Variants in IGSF3 observed in about 807,000 individuals in gnomAD.
IGSF3 encodes the protein immunoglobulin superfamily member 3, also known as glu-Trp-Ile EWI motif-containing protein 3.
In IGSF3, 23 loss-of-function variants were observed where a neutral mutation model predicts 114.4. That is an observed-to-expected ratio of 0.20 (90% CI 0.14 to 0.28). IGSF3 has a LOEUF of 0.28. IGSF3 is among the 10% of genes least tolerant of loss of function. The pLI is 1.00. For missense variants in IGSF3, 1,172 were observed against 1,591.5 expected, an observed-to-expected ratio of 0.74 and a Z score of 4.48; for synonymous variants, 571 against 645.2, an observed-to-expected ratio of 0.88 and a Z score of 1.74.
chr1:116,625,130 C>A lies in IGSF3; in HGVS notation c.44-8673G>T, dbSNP rs1025305339. ...CAAGAACATATGCTATGGCTTCAATCAACATTTTTTTCAGTACCTATTATG... is the reference window on the plus strand; with the variant it reads ...CAAGAACATATGCTATGGCTTCAATAAACATTTTTTTCAGTACCTATTATG... On this transcript the variant is annotated intron_variant, in intron 2 of 10. Coordinates refer to ENST00000369486, the MANE Select transcript of IGSF3 (RefSeq NM_001007237.3). The surrounding 1 kb of genome is among the most constrained non-coding windows in gnomAD (Gnocchi z 4.7). Among the ~76,000 whole-genome samples, 3 of 152,196 alleles carry A rather than the reference C, an allele frequency of 2.0e-5. No homozygotes were observed. Among genetic ancestry groups the A allele is most frequent in the African/African-American group, 4.8e-5 (2 of 41,444 alleles).
Position 116,585,017 on chromosome 1 carries a change from G to A in IGSF3, c.2476C>T (p.Leu826=), listed in dbSNP as rs1220610888. The stretch of plus-strand genomic sequence containing the variant: ...ACCTGCCGGGTCTCCAGAACCGACA[G>A]GTTCCCCTGGGCTTGGCTGAGCCTC... ...RLRLSQAQGN[L]SVLETRQVQL... Residue 826 remains leucine (L), a synonymous_variant, in exon 9 of 11, where the codon CTG becomes TTG. Coordinates refer to ENST00000369486, the MANE Select transcript of IGSF3 (RefSeq NM_001007237.3). The surrounding 1 kb of genome is among the most constrained non-coding windows in gnomAD (Gnocchi z 4.9). 2 of 1,560,366 alleles carry A rather than the reference G, an allele frequency of 1.3e-6. No homozygotes were observed. Among genetic ancestry groups the A allele is most frequent in the African/African-American group, 2.7e-5 (2 of 73,788 alleles).
In IGSF3 at chr1:116,612,261, T is replaced by C. The variant is rs4127975; in HGVS notation, c.832+1504A>G. Among the ~76,000 whole-genome samples the C allele has an allele frequency of 1.2e-4, 18 of 152,258 alleles. No homozygotes were observed. The highest frequency in any genetic ancestry group is 3.3e-4 in the Admixed American group (5 of 15,302). ...AGCCCCTTGGATAGATTTTTTAATA[T>C]TGAAAGATCCAGAAGCTGCTAAATG... On this transcript the variant is annotated intron_variant, in intron 4 of 10. Transcript: ENST00000369486. The surrounding 1 kb of genome is among the most constrained non-coding windows in gnomAD (Gnocchi z 4.1).
intron 2 of IGSF3, among the ~76,000 whole-genome samples, chr1:116,660,363 C>G (rs1649059155): frequency 6.6e-6 from 1 of 152,048 alleles, no homozygotes; most frequent in African/African-American, 2.4e-5. Context: ...GATGCGGTCT[C>G]ACTATGTTGC....
In IGSF3 at chr1:116,638,545, C is replaced by CA. The variant is rs1307503200; in HGVS notation, c.44-22089_44-22088insT. On this transcript the variant is annotated intron_variant, in intron 2 of 10. Coordinates refer to ENST00000369486, the MANE Select transcript of IGSF3 (RefSeq NM_001007237.3). This position sits in a 1 kb window ranked among gnomAD's most constrained non-coding sequence, Gnocchi z 4.1. ...CACCTACTCAGTCTGACACCCACCA[C>CA]TCCCTCCAAACATCCCCGGTACGTC... Among the ~76,000 whole-genome samples the CA allele has an allele frequency of 6.6e-5, 10 of 152,348 alleles. No homozygotes were observed. Among genetic ancestry groups the CA allele is most frequent in the Middle Eastern group, 6.8e-3 (2 of 294 alleles).
chr1:116,656,067 A>G (rs1296065967), intron 2 of IGSF3, among the ~76,000 whole-genome samples: 6 of 152,200 alleles, frequency 3.9e-5, no homozygotes, highest in African/African-American at 1.4e-4. Flanking sequence ...TGATATAGCC[A>G]TAAAATTAAG....
chr1:116,645,490 G>A (rs181753103), intron 2 of IGSF3, among the ~76,000 whole-genome samples: 113 of 152,336 alleles, frequency 7.4e-4, no homozygotes, highest in Admixed American at 1.0e-3. Flanking sequence ...GGTGAGTTCC[G>A]TTGTATGTAA....
rs1647367240 is a variant in IGSF3 at position 116,627,816 on chromosome 1, G to A, written c.44-11359C>T. 6.6e-6 allele frequency among the ~76,000 whole-genome samples: 1 copy of A among 152,156 alleles called. No homozygotes were observed. Among genetic ancestry groups the A allele is most frequent in the African/African-American group, 2.4e-5 (1 of 41,420 alleles). On this transcript the variant is annotated intron_variant, in intron 2 of 10. Transcript: ENST00000369486. The surrounding 1 kb of genome is among the most constrained non-coding windows in gnomAD (Gnocchi z 4.7). The stretch of plus-strand genomic sequence containing the variant: ...CTTCTGTCTCCCAACACTAGGCCAT[G>A]GAGACACAAAACTAGAAAATGGGGC...
In IGSF3 at chr1:116,664,846, A is replaced by G. The variant is rs1309521833; in HGVS notation, c.43+1438T>C. On this transcript the variant is annotated intron_variant, in intron 2 of 10. Transcript: ENST00000369486. The surrounding 1 kb of genome is among the most constrained non-coding windows in gnomAD (Gnocchi z 4.6). ...TAGTGAACTCACCCACTGGTTCTCTACTGAACCATGCATGGAATTACCTGA... is the reference window on the plus strand; with the variant it reads ...TAGTGAACTCACCCACTGGTTCTCTGCTGAACCATGCATGGAATTACCTGA... Among the ~76,000 whole-genome samples the G allele has an allele frequency of 6.6e-6, 1 of 152,174 alleles. No individual in the cohort carries two copies. Among genetic ancestry groups the G allele is most frequent in the Non-Finnish European group, 1.5e-5 (1 of 68,026 alleles).
rs192003191 is a variant in IGSF3, at chr1:116,630,895, G to A, written c.44-14438C>T. 1.3e-3 allele frequency among the ~76,000 whole-genome samples: 197 copies of A among 152,342 alleles called. 1 individual carries two copies. The highest frequency in any genetic ancestry group is 9.7e-4 in the East Asian group (5 of 5,172). ...CTCGAATCTATGCAGAGCTGCATGA[G>A]GAGCTGGAGGTCCAGAGTACTGCAG... On this transcript the variant is annotated intron_variant, in intron 2 of 10. Transcript: ENST00000369486.
intron 6 of IGSF3, among the ~76,000 whole-genome samples, chr1:116,602,657 T>C (rs114552632): frequency 0.035 from 5,275 of 152,228 alleles, 296 homozygotes; most frequent in African/African-American, 0.12. Flanking sequence ...TTACTGGAAG[T>C]ATCCAAAAGC....
At position 116,579,841 on chromosome 1, in the gene IGSF3, G is replaced by T; in HGVS notation, c.2885C>A (p.Ala962Asp). ...GAAAGCTGCCTTCTCAGAGACCGTG[G>T]CATTGGGGACCACTGTGTCCACCTG... ...SLQVDTVVPNATVSEKAAFQL... is the reference protein window; with the variant it reads ...SLQVDTVVPNDTVSEKAAFQL... The change falls in exon 10 of 11, where the codon GCC (alanine) becomes GAC (aspartate). Residue 962 changes from alanine (A) to aspartate (D), a missense_variant. Physicochemically the swap from Ala to Asp is moderately radical, Grantham distance 126. This residue lies in a region of IGSF3 where 423 missense variants were observed against 509.8 expected (regional missense o/e 0.83). Coordinates refer to ENST00000369486, the MANE Select transcript of IGSF3 (RefSeq NM_001007237.3). This position sits in a 1 kb window ranked among gnomAD's most constrained non-coding sequence, Gnocchi z 6.4. 6.2e-7 allele frequency: 1 copy of T among 1,611,616 alleles called. No homozygotes were observed. Among genetic ancestry groups the T allele is most frequent in the African/African-American group, 1.3e-5 (1 of 75,038 alleles).
chr1:116,581,921 T>C (rs1659618392), intron 9 of IGSF3, among the ~76,000 whole-genome samples: 3 of 152,174 alleles, frequency 2.0e-5, no homozygotes, highest in Admixed American at 1.3e-4. Context: ...CCCACGCTCC[T>C]GGTGACTGGC....
At position 116,589,494 on chromosome 1, in the gene IGSF3, T is replaced by G. The variant is rs1223866025; in HGVS notation, c.2030-390A>C. ...CACAGCACAAAGTCCCTTCAGGATC[T>G]GGCCTTCACCCAAGTGTCCTGACTC... On this transcript the variant is annotated intron_variant, in intron 7 of 10. Coordinates refer to ENST00000369486, the MANE Select transcript of IGSF3 (RefSeq NM_001007237.3). This position sits in a 1 kb window ranked among gnomAD's most constrained non-coding sequence, Gnocchi z 5.7. Among the ~76,000 whole-genome samples, 1 of 152,130 alleles carries G rather than the reference T, an allele frequency of 6.6e-6. No homozygotes were observed. Among genetic ancestry groups the G allele is most frequent in the Non-Finnish European group, 1.5e-5 (1 of 68,020 alleles).
At position 116,638,137 on chromosome 1, in the gene IGSF3, C is replaced by A. The variant is rs1647920787; in HGVS notation, c.44-21680G>T. On this transcript the variant is annotated intron_variant, in intron 2 of 10. Transcript: ENST00000369486. This position sits in a 1 kb window ranked among gnomAD's most constrained non-coding sequence, Gnocchi z 4.1. ...AAATGTGTTATTCCAGCTACCCTCA[C>A]TCTTTTTGTGGTTTCCTGCAGTCTA... Among the ~76,000 whole-genome samples, 1 of 152,166 alleles carries A rather than the reference C, an allele frequency of 6.6e-6. No homozygotes were observed. The highest frequency in any genetic ancestry group is 6.5e-5 in the Admixed American group (1 of 15,282).
In IGSF3 at chr1:116,648,389, T is replaced by C. The variant is rs1301009618; in HGVS notation, c.43+17895A>G. ...GAGAAGAAACAGGATGCACGGGAGA[T>C]CACACACAGAGTAAGAGGTGCCTCT... On this transcript the variant is annotated intron_variant, in intron 2 of 10. Coordinates refer to ENST00000369486, the MANE Select transcript of IGSF3 (RefSeq NM_001007237.3). The surrounding 1 kb of genome is among the most constrained non-coding windows in gnomAD (Gnocchi z 4.7). Among the ~76,000 whole-genome samples the C allele has an allele frequency of 6.6e-6, 1 of 152,084 alleles. No individual in the cohort carries two copies.
At chr1:116,604,433 T>C (rs1660714911) in intron 5 of IGSF3, among the ~76,000 whole-genome samples, 2 of 152,208 alleles carry the variant, frequency 1.3e-5, no homozygotes, top group Admixed American at 1.3e-4. Context: ...TTCACTTCAC[T>C]CTTCCTACCA....
Position 116,607,932 on chromosome 1 carries a change from C to T in IGSF3, c.1222+10G>A, listed in dbSNP as rs749722860. The T allele has an allele frequency of 7.4e-6, 12 of 1,612,898 alleles. No individual in the cohort carries two copies. In the Admixed American group the frequency reaches 1.8e-4, roughly 25 times the overall value. On this transcript the variant is annotated intron_variant, in intron 5 of 10. Coordinates refer to ENST00000369486, the MANE Select transcript of IGSF3 (RefSeq NM_001007237.3). This position sits in a 1 kb window ranked among gnomAD's most constrained non-coding sequence, Gnocchi z 6.1. ...CAAAGGAGAAGAAAGCAGCACATCTCTCTACTTACTGAGGGGGAGGACTAT... is the reference window on the plus strand; with the variant it reads ...CAAAGGAGAAGAAAGCAGCACATCTTTCTACTTACTGAGGGGGAGGACTAT...
At chr1:116,663,941 C>T (rs1323805403) in intron 2 of IGSF3, among the ~76,000 whole-genome samples, 1 of 152,216 alleles carries the variant, frequency 6.6e-6, no homozygotes, top group East Asian at 1.9e-4. Flanking sequence ...TCATACTACA[C>T]ATTAATTCAC....
Position 116,651,642 on chromosome 1 carries a change from T to C in IGSF3, c.43+14642A>G, listed in dbSNP as rs1233842245. ...ACTGAGCAACTATTAGGTTGAACTA[T>C]GTGACATTATTGACATTCGACTGCT... On this transcript the variant is annotated intron_variant, in intron 2 of 10. Transcript: ENST00000369486. This position sits in a 1 kb window ranked among gnomAD's most constrained non-coding sequence, Gnocchi z 4.4. 1.3e-5 allele frequency among the ~76,000 whole-genome samples: 2 copies of C among 152,230 alleles called. No homozygotes were observed. The highest frequency in any genetic ancestry group is 4.8e-5 in the African/African-American group (2 of 41,470).
Sources: gnomAD v4.1 joint callset for allele counts (sites outside exome capture counted in the v4.1 genomes callset) on GRCh38, gnomAD v4.1.1 for gene constraint, gnomAD v4.1.1 regional missense constraint, Gnocchi (gnomAD v3.1) non-coding constraint, MANE v1.5 for transcripts, NCBI Gene and HGNC (gene_info 2026-07-23, HGNC 2026-07-21) for gene names.